Variants in AR observed in about 807,000 individuals in gnomAD.
AR encodes the protein androgen receptor, also known as dihydrotestosterone receptor.
AR carries 8 observed loss-of-function variants against 53.9 expected under a neutral mutation model. The observed-to-expected ratio is 0.15, with a 90% CI of 0.09 to 0.27. The LOEUF is 0.27. Ranked by LOEUF, AR falls within the 10% of genes least tolerant of loss-of-function variation. The probability of loss-of-function intolerance (pLI) is 1.00; values close to 1 mark genes in which losing one functional copy is unlikely to be tolerated. For synonymous variants in AR, 359 were observed against 316.4 expected, an observed-to-expected ratio of 1.13 and a Z score of -1.43; for missense variants, 639 against 742.5, an observed-to-expected ratio of 0.86 and a Z score of 1.62.
intron 1 of AR, among the ~76,000 whole-genome samples, chrX:67,619,817 T>A (rs756231475): frequency 9.1e-6 from 1 of 110,233 alleles, no homozygotes; most frequent in Admixed American, 9.6e-5. Context: ...GGTAGGGGAT[T>A]TTTTAGTCTC....
chrX:67,586,307 A>G (rs1225657240), intron 1 of AR, among the ~76,000 whole-genome samples: 1 of 111,750 alleles, frequency 8.9e-6, no homozygotes, highest in Non-Finnish European at 1.9e-5. Flanking sequence ...TCAGTCACAC[A>G]GAACTTCTTA....
At chrX:67,652,359 C>T (rs1388985776) in intron 2 of AR, among the ~76,000 whole-genome samples, 1 of 111,641 alleles carries the variant, frequency 9.0e-6, no homozygotes, top group Non-Finnish European at 1.9e-5. Flanking sequence ...AGCTCATTTA[C>T]TTACAGGATG....
intron 1 of AR, among the ~76,000 whole-genome samples, chrX:67,605,589 T>C (rs1923584875): frequency 8.9e-6 from 1 of 112,260 alleles, no homozygotes; most frequent in African/African-American, 3.2e-5. Flanking sequence ...CCTGGAGCAT[T>C]CTTTATGAGA....
chrX:67,660,227 A>G (rs1926817607), intron 2 of AR, among the ~76,000 whole-genome samples: 1 of 111,646 alleles, frequency 9.0e-6, no homozygotes, highest in African/African-American at 3.3e-5. Flanking sequence ...ATTAGATCCC[A>G]TTTGTCAATT....
chrX:67,642,738 T>C (rs1463390171), intron 1 of AR, among the ~76,000 whole-genome samples: 1 of 111,952 alleles, frequency 8.9e-6, no homozygotes. Context: ...TTATCTGATT[T>C]ATATTACCAC....
intron 1 of AR, among the ~76,000 whole-genome samples, chrX:67,579,127 A>T (rs1922177653): frequency 8.9e-6 from 1 of 112,113 alleles, no homozygotes; most frequent in Admixed American, 9.5e-5. Flanking sequence ...AGTTTGAACC[A>T]GAGCCCAGGT....
chrX:67,638,933 T>G (rs1029333251), intron 1 of AR, among the ~76,000 whole-genome samples: 8 of 111,966 alleles, frequency 7.1e-5, no homozygotes, highest in African/African-American at 2.3e-4. Context: ...TTGCCTAGGT[T>G]TTCTTCTAGG....
chrX:67,616,231 T>C (rs1924111410), intron 1 of AR, among the ~76,000 whole-genome samples: 1 of 111,000 alleles, frequency 9.0e-6, no homozygotes, highest in African/African-American at 3.3e-5. Flanking sequence ...AGTTCTGGGG[T>C]ACATGTGCAG....
intron 2 of AR, 144 bp downstream of exon 2, chrX:67,643,551 G>A (rs1925899925): frequency 9.2e-6 from 8 of 873,149 alleles, no homozygotes; most frequent in Non-Finnish European, 1.3e-5. Flanking sequence ...GGAGCCTAAG[G>A]AAGCAAATTT....
At chrX:67,595,363 T>TA (rs936541909) in intron 1 of AR, among the ~76,000 whole-genome samples, 29 of 106,505 alleles carry the variant, frequency 2.7e-4, no homozygotes, top group East Asian at 5.8e-4. Flanking sequence ...TTTTTTTTCT[T>TA]AAAAAAAAAA....
intron 2 of AR, among the ~76,000 whole-genome samples, chrX:67,672,148 A>G (rs2075869429): frequency 9.0e-6 from 1 of 111,582 alleles, no homozygotes; most frequent in Admixed American, 9.6e-5. Context: ...CTCAAAGTCC[A>G]TTATATCACT....
chrX:67,603,236 C>A (rs570781700), intron 1 of AR, among the ~76,000 whole-genome samples: 1 of 111,472 alleles, frequency 9.0e-6, no homozygotes, highest in Middle Eastern at 4.6e-3. Flanking sequence ...TCACATACAT[C>A]TTGGGAGCTC....
intron 2 of AR, among the ~76,000 whole-genome samples, chrX:67,672,889 C>G (rs779010816): frequency 1.8e-5 from 2 of 111,606 alleles, no homozygotes; most frequent in African/African-American, 6.5e-5. Flanking sequence ...CACTAACATC[C>G]TATTCTTTCA....
intron 3 of AR, among the ~76,000 whole-genome samples, chrX:67,704,809 A>G (rs1434043155): frequency 8.9e-6 from 1 of 111,776 alleles, no homozygotes; most frequent in Non-Finnish European, 1.9e-5. Context: ...ATCCATCTTG[A>G]ATTAATTTTT....
At chrX:67,649,656 T>C (rs1404463164) in intron 2 of AR, among the ~76,000 whole-genome samples, 1 of 112,616 alleles carries the variant, frequency 8.9e-6, no homozygotes, top group Non-Finnish European at 1.9e-5. Flanking sequence ...ATATGTTTGT[T>C]GGCCGCATAA....
At chrX:67,556,194 G>A (rs773080297) in intron 1 of AR, among the ~76,000 whole-genome samples, 2 of 111,434 alleles carry the variant, frequency 1.8e-5, no homozygotes, top group Non-Finnish European at 1.9e-5. Flanking sequence ...TATAAAAATT[G>A]TGCAAAGAGT....
intron 2 of AR, chrX:67,680,680 G>A (rs1034806495): frequency 6.1e-6 from 2 of 330,316 alleles, no homozygotes; most frequent in Non-Finnish European, 1.2e-5. Context: ...GCCACTAATA[G>A]TGGGTAACTT....
chrX:67,710,092 G>A (rs1295522329), intron 3 of AR, among the ~76,000 whole-genome samples: 1 of 110,587 alleles, frequency 9.0e-6, no homozygotes, highest in Non-Finnish European at 1.9e-5. Context: ...GCGTGTGTGT[G>A]TGTGTGTGTT....
At chrX:67,695,520 C>T (rs1049764041) in intron 3 of AR, 17 of 751,768 alleles carry the variant, frequency 2.3e-5, no homozygotes, top group African/African-American at 2.3e-5. Flanking sequence ...CATTCTTCTC[C>T]CAAGCCAGAC....
Sources: gnomAD v4.1 joint callset for allele counts (sites outside exome capture counted in the v4.1 genomes callset) on GRCh38, gnomAD v4.1.1 for gene constraint, MANE v1.5 for transcripts, NCBI Gene and HGNC (gene_info 2026-07-23, HGNC 2026-07-21) for gene names.